CCDC171: variants seen among roughly 807,000 people sequenced by gnomAD.
CCDC171 encodes coiled-coil domain-containing protein 171.
CCDC171 carries 177 observed loss-of-function variants against 168.2 expected under a neutral mutation model. The ratio of observed to expected loss-of-function variants is 1.05; its 90% confidence interval spans 0.93 to 1.19. The LOEUF (loss-of-function observed/expected upper bound fraction) is 1.19, where lower values mean the gene tolerates loss of function less well. Ranked by LOEUF, CCDC171 falls within the 50% of genes most tolerant of loss-of-function variation. CCDC171 has a pLI of 0.00. For synonymous variants in CCDC171, 687 were observed against 540.8 expected (o/e 1.27, Z -3.75); for missense variants, 1,991 against 1,539.0 (o/e 1.29, Z -4.91).
chr9:15,732,776 T>C (rs575112973), intron 16 of CCDC171, among the ~76,000 whole-genome samples: 72 of 152,276 alleles, frequency 4.7e-4, no homozygotes, highest in African/African-American at 1.7e-3. Context: ...TGTGTGATCA[T>C]AAATTTTCAT....
the CCDC171 span, among the ~76,000 whole-genome samples, chr9:16,100,651 G>A: frequency 6.6e-6 from 1 of 152,212 alleles, no homozygotes; most frequent in Admixed American, 6.5e-5. Context: ...GGCCTGGCCT[G>A]GTAAAATGTA....
the CCDC171 span, among the ~76,000 whole-genome samples, chr9:16,083,784 G>C: frequency 6.6e-6 from 1 of 152,160 alleles, no homozygotes; most frequent in Non-Finnish European, 1.5e-5. Context: ...CGATCTTTCT[G>C]CATCTAAGAG....
intron 3 of CCDC171, among the ~76,000 whole-genome samples, chr9:15,980,110 A>G (rs950330508): frequency 1.1e-4 from 16 of 152,306 alleles, no homozygotes; most frequent in Admixed American, 9.8e-4. Context: ...TAAAAATATT[A>G]AGACTGGAAA....
intron 4 of CCDC171, among the ~76,000 whole-genome samples, chr9:15,579,237 A>G (rs1238737398): frequency 1.3e-5 from 2 of 152,262 alleles, no homozygotes; most frequent in Non-Finnish European, 2.9e-5. Flanking sequence ...TATGCTGTGC[A>G]TATATGGAAA....
chr9:15,846,949 C>A, intron 22 of CCDC171, 102 bp downstream of exon 22: 1 of 928,062 alleles, frequency 1.1e-6, no homozygotes, highest in Non-Finnish European at 1.6e-6. Context: ...TGTTAGAAAA[C>A]AAAAGTACAG....
intron 2 of CCDC171, among the ~76,000 whole-genome samples, chr9:15,569,275 G>C (rs948535935): frequency 6.6e-6 from 1 of 152,194 alleles, no homozygotes; most frequent in African/African-American, 2.4e-5. Flanking sequence ...CATGGAGCCA[G>C]GGTTTCAGGG....
intron 9 of CCDC171, among the ~76,000 whole-genome samples, chr9:15,669,952 T>TAAAAAAAAAAAAAAAAAAAAAAAAAA (rs34465887): frequency 8.9e-6 from 1 of 112,328 alleles, no homozygotes; most frequent in African/African-American, 3.3e-5. Flanking sequence ...GCTGAAGTCT[T>TAAAAAAAAAAAAAAAAAAAAAAAAAA]AAAAAAAAAA....
chr9:15,762,474 A>T (rs1394911349), intron 18 of CCDC171, among the ~76,000 whole-genome samples: 1 of 152,184 alleles, frequency 6.6e-6, no homozygotes, highest in African/African-American at 2.4e-5. Flanking sequence ...TGGTCTGAGG[A>T]TTCAGTTGCC....
chr9:15,721,927 T>C, intron 12 of CCDC171, 52 bp downstream of exon 12: 1 of 848,360 alleles, frequency 1.2e-6, no homozygotes, highest in East Asian at 3.0e-5. Flanking sequence ...CCTGTACCAG[T>C]ACGTATTCCT....
intron 18 of CCDC171, among the ~76,000 whole-genome samples, chr9:15,755,709 T>G (rs1328494904): frequency 6.6e-6 from 1 of 152,218 alleles, no homozygotes; most frequent in African/African-American, 2.4e-5. Context: ...AGATCACATA[T>G]TGCATGATTC....
chr9:15,823,407 A>G (rs1027572009), intron 21 of CCDC171, among the ~76,000 whole-genome samples: 2 of 152,050 alleles, frequency 1.3e-5, no homozygotes, highest in African/African-American at 4.8e-5. Context: ...TTTTTCACAG[A>G]TGTTTTCTCT....
At chr9:15,833,074 A>G (rs1259063652) in intron 21 of CCDC171, among the ~76,000 whole-genome samples, 1 of 137,604 alleles carries the variant, frequency 7.3e-6, no homozygotes, top group African/African-American at 2.8e-5. Flanking sequence ...TGCAACCTCC[A>G]CCTCTCTGGT....
At chr9:15,841,410 T>A (rs1391290883) in intron 21 of CCDC171, among the ~76,000 whole-genome samples, 5 of 152,020 alleles carry the variant, frequency 3.3e-5, no homozygotes. Flanking sequence ...ATGTAGTCTT[T>A]TACAGTTTAT....
rs143697451 is a variant in CCDC171 at position 15,927,116 on chromosome 9, A to G, written c.3753+6694A>G. Among the ~76,000 whole-genome samples, 8 of 151,854 alleles carry G rather than the reference A, an allele frequency of 5.3e-5. No homozygotes were observed. The East Asian group carries it at 1.4e-3, about 26-fold the overall frequency. On this transcript the variant is annotated intron_variant, in intron 25 of 25. Transcript: ENST00000380701. ...TCATATTGTAGACATAATTATCTTT[A>G]AAAACTATCCCTCTTTAGGTAACAT...
At chr9:15,588,869 G>A (rs1397401280) in intron 4 of CCDC171, among the ~76,000 whole-genome samples, 6 of 151,634 alleles carry the variant, frequency 4.0e-5, no homozygotes, top group South Asian at 2.1e-4. Flanking sequence ...CACCACGCCC[G>A]GCTAATTTTT....
At chr9:15,862,356 T>C (rs1418016101) in intron 23 of CCDC171, among the ~76,000 whole-genome samples, 1 of 151,866 alleles carries the variant, frequency 6.6e-6, no homozygotes, top group Non-Finnish European at 1.5e-5. Flanking sequence ...TGAACCTCTC[T>C]TGAATTTTTA....
At chr9:15,827,635 A>G (rs764834558) in intron 21 of CCDC171, among the ~76,000 whole-genome samples, 1 of 152,162 alleles carries the variant, frequency 6.6e-6, no homozygotes, top group Non-Finnish European at 1.5e-5. Flanking sequence ...TATAATTATT[A>G]AAAGTTTCCA....
chr9:15,939,958 T>G (rs1333843613), intron 25 of CCDC171, among the ~76,000 whole-genome samples: 1 of 151,886 alleles, frequency 6.6e-6, no homozygotes, highest in African/African-American at 2.4e-5. Context: ...TAAAATTATT[T>G]TATTTGTTTC....
In CCDC171 at chr9:15,936,333, C is replaced by T. The variant is rs1168349840; in HGVS notation, c.3753+15911C>T. 2.6e-5 allele frequency among the ~76,000 whole-genome samples: 4 copies of T among 152,024 alleles called. No individual in the cohort carries two copies. In the East Asian group the frequency reaches 7.8e-4, roughly 30 times the overall value. The stretch of plus-strand genomic sequence containing the variant: ...AAAAAGTCAAAAATTTTTTCCTGAA[C>T]TTAAAGAAATTATTTTCTCTGGACA... On this transcript the variant is annotated intron_variant, in intron 25 of 25. Coordinates refer to ENST00000380701, the MANE Select transcript of CCDC171 (RefSeq NM_173550.4).
Sources: gnomAD v4.1 joint callset for allele counts (sites outside exome capture counted in the v4.1 genomes callset) on GRCh38, gnomAD v4.1.1 for gene constraint, MANE v1.5 for transcripts, NCBI Gene and HGNC (gene_info 2026-07-23, HGNC 2026-07-21) for gene names.